Variants in RYR2 observed in about 807,000 individuals in gnomAD.
RYR2 encodes cardiac muscle ryanodine receptor-calcium release channel.
RYR2 carries 227 observed loss-of-function variants against 601.1 expected under a neutral mutation model. That is an observed-to-expected ratio of 0.38 (90% CI 0.34 to 0.42). The LOEUF (loss-of-function observed/expected upper bound fraction) is 0.42, where lower values mean the gene tolerates loss of function less well. Among genes scored for constraint, RYR2 ranks in the 10% least tolerant of loss-of-function variants. The pLI is 1.00. For missense variants in RYR2, 4,646 were observed against 6,156.5 expected (o/e 0.75, Z 8.21); for synonymous variants, 2,223 against 2,175.1 (o/e 1.02, Z -0.61).
At chr1:237,226,133 A>G (rs923938806) in intron 1 of RYR2, among the ~76,000 whole-genome samples, 1 of 152,184 alleles carries the variant, frequency 6.6e-6, no homozygotes, top group Non-Finnish European at 1.5e-5. Flanking sequence ...AAAAGTTCAC[A>G]TTTCTGTTAG....
Position 237,808,989 on chromosome 1 carries a change from G to T in RYR2, c.14387G>T (p.Ser4796Ile). 1 of 1,613,330 alleles carries T rather than the reference G, an allele frequency of 6.2e-7. No individual in the cohort carries two copies. Among genetic ancestry groups the T allele is most frequent in the Non-Finnish European group, 8.5e-7 (1 of 1,179,302 alleles). ...FNFFRKFYNK[S>I]EDGDTPDMKC... ...TTTTTCCGAAAATTCTACAATAAAA[G>T]TGAAGATGGTGATACACCAGATATG... Residue 4796 changes from serine (S) to isoleucine (I), a missense_variant, in exon 100 of 105, where the codon AGT becomes ATT. Coordinates refer to ENST00000366574, the MANE Select transcript of RYR2 (RefSeq NM_001035.3).
chr1:237,124,358 G>A (rs1671168735), intron 1 of RYR2, among the ~76,000 whole-genome samples: 1 of 152,198 alleles, frequency 6.6e-6, no homozygotes, highest in South Asian at 2.1e-4. Context: ...ATTACCTTCA[G>A]AAACAGAGAG....
chr1:237,311,590 C>T (rs1030137444), intron 2 of RYR2, among the ~76,000 whole-genome samples: 2 of 151,770 alleles, frequency 1.3e-5, no homozygotes, highest in Non-Finnish European at 2.9e-5. Context: ...AGTGATCCTT[C>T]CACTTCAGCC....
At position 237,742,316 on chromosome 1, in the gene RYR2, T is replaced by C. The variant is rs779013786; in HGVS notation, c.11112T>C (p.Asp3704=). Residue 3704 remains aspartate (D), a synonymous_variant, in exon 80 of 105, where the codon GAT becomes GAC. Transcript: ENST00000366574. ...TACAGAGTTGTCATGATGAGGAAGA[T>C]GACGATGGTGAAGAGGAAGTGAAGA... The part of the protein sequence containing the change: ...IMAKSCHDEE[D]DDGEEEVKSF... The C allele has an allele frequency of 2.0e-5, 32 of 1,563,248 alleles. No individual in the cohort carries two copies. Among genetic ancestry groups the C allele is most frequent in the Non-Finnish European group, 2.6e-5 (30 of 1,151,056 alleles).
chr1:237,725,315 TGGGA>T (rs758473561), intron 74 of RYR2, among the ~76,000 whole-genome samples: 5 of 152,224 alleles, frequency 3.3e-5, no homozygotes, highest in Non-Finnish European at 7.4e-5. Flanking sequence ...AAATAAAAAG[TGGGA>T]GATATCCTCG....
At chr1:237,496,392 A>G (rs1664075020) in intron 19 of RYR2, 119 bp from the exon 20 acceptor site, 1 of 1,399,636 alleles carries the variant, frequency 7.1e-7, no homozygotes, top group Non-Finnish European at 9.7e-7. Flanking sequence ...TAGGCAACAG[A>G]GCAAGACTCT....
rs73121662 is a variant in RYR2 at position 237,234,624 on chromosome 1, C to T, written c.49-35873C>T. 8.9e-3 allele frequency among the ~76,000 whole-genome samples: 1,358 copies of T among 152,160 alleles called. 23 individuals carry two copies. The highest frequency in any genetic ancestry group is 0.031 in the African/African-American group (1,277 of 41,494). Reference sequence around the variant, plus strand: ...TAAATTGAAATGTTGCAAATATGCTCATAATTGTAAAATTTCTTTTTGTTA... The same window carrying T: ...TAAATTGAAATGTTGCAAATATGCTTATAATTGTAAAATTTCTTTTTGTTA... On this transcript the variant is annotated intron_variant, in intron 1 of 104. Transcript: ENST00000366574.
intron 10 of RYR2, among the ~76,000 whole-genome samples, chr1:237,396,350 C>G (rs1702857317): frequency 6.6e-6 from 1 of 152,104 alleles, no homozygotes; most frequent in Non-Finnish European, 1.5e-5. Flanking sequence ...GTCTCTGGAC[C>G]AATAGAATAG....
chr1:237,569,395 G>A (rs533335385), intron 29 of RYR2, 76 bp downstream of exon 29: 3 of 1,462,986 alleles, frequency 2.1e-6, no homozygotes, highest in Admixed American at 2.0e-5. Context: ...TCCTAACCGG[G>A]CGTTTCTGTT....
intron 34 of RYR2, among the ~76,000 whole-genome samples, chr1:237,597,775 G>A (rs1334753335): frequency 1.3e-5 from 2 of 152,048 alleles, no homozygotes; most frequent in Non-Finnish European, 2.9e-5. Flanking sequence ...GAGCAAGAAA[G>A]AAATGAAGGA....
At chr1:237,750,276 A>T (rs1234288384) in intron 80 of RYR2, among the ~76,000 whole-genome samples, 1 of 152,172 alleles carries the variant, frequency 6.6e-6, no homozygotes, top group Non-Finnish European at 1.5e-5. Flanking sequence ...GGAAAAAAAA[A>T]CTATTGAAAG....
chr1:237,113,458 C>A (rs1045597866), intron 1 of RYR2, among the ~76,000 whole-genome samples: 5 of 152,078 alleles, frequency 3.3e-5, no homozygotes, highest in Admixed American at 6.6e-5. Flanking sequence ...GCCTCAGCCT[C>A]CAAAGTACTG....
At chr1:237,695,118 G>C (rs911359558) in intron 63 of RYR2, among the ~76,000 whole-genome samples, 2 of 152,072 alleles carry the variant, frequency 1.3e-5, no homozygotes, top group African/African-American at 4.8e-5. Flanking sequence ...GAATTCCTGA[G>C]TTATAGAAAC....
chr1:237,208,936 G>GTGTGTATATATATATATATA (rs1418847642), intron 1 of RYR2, among the ~76,000 whole-genome samples: 1 of 89,874 alleles, frequency 1.1e-5, no homozygotes, highest in Non-Finnish European at 2.2e-5. Flanking sequence ...ATGTGTGTGT[G>GTGTGTATATATATATATATA]TATATATATA....
chr1:237,517,674 G>A (rs1240334972), intron 24 of RYR2, among the ~76,000 whole-genome samples: 1 of 151,938 alleles, frequency 6.6e-6, no homozygotes, highest in Non-Finnish European at 1.5e-5. Flanking sequence ...GCAGATTTAG[G>A]TTCTCAGCAA....
At chr1:237,305,110 C>T (rs770485061) in intron 2 of RYR2, among the ~76,000 whole-genome samples, 3 of 152,086 alleles carry the variant, frequency 2.0e-5, no homozygotes, top group Non-Finnish European at 4.4e-5. Context: ...TTTGAAGATA[C>T]GCGTATATTG....
At chr1:237,207,095 G>A (rs1368266309) in intron 1 of RYR2, among the ~76,000 whole-genome samples, 1 of 151,206 alleles carries the variant, frequency 6.6e-6, no homozygotes, top group East Asian at 1.9e-4. Context: ...GATCTCTTGA[G>A]CCCAGGAGTT....
chr1:237,788,164 CT>C, intron 92 of RYR2, 29 bp downstream of exon 92: 1 of 1,561,004 alleles, frequency 6.4e-7, no homozygotes, highest in East Asian at 2.3e-5. Context: ...AATATTGTTA[CT>C]GATATAGTGC....
At chr1:237,709,924 C>T (rs1288471545) in intron 70 of RYR2, among the ~76,000 whole-genome samples, 1 of 152,092 alleles carries the variant, frequency 6.6e-6, no homozygotes, top group Non-Finnish European at 1.5e-5. Context: ...CAACAATAAC[C>T]CACACTCATT....
Sources: allele counts gnomAD v4.1 joint callset (sites outside exome capture counted in the v4.1 genomes callset), GRCh38; gene constraint gnomAD v4.1.1; transcripts MANE v1.5; gene names NCBI Gene and HGNC (gene_info 2026-07-23, HGNC 2026-07-21).